The following SLC25A26 variants were observed in gnomAD, a reference collection of about 807,000 sequenced individuals.
The protein encoded by SLC25A26 is mitochondrial S-adenosylmethionine carrier protein.
Under a neutral mutation model 37.8 loss-of-function variants are expected in SLC25A26, and 36 were observed. That is an observed-to-expected ratio of 0.95 (90% CI 0.73 to 1.26). SLC25A26 has a LOEUF of 1.26. Ranked by LOEUF, SLC25A26 falls within the 50% of genes most tolerant of loss-of-function variation. The probability of loss-of-function intolerance (pLI) is 0.00; values close to 1 mark genes in which losing one functional copy is unlikely to be tolerated. For missense variants in SLC25A26, 390 were observed against 331.1 expected, an observed-to-expected ratio of 1.18 and a Z score of -1.38; for synonymous variants, 129 against 122.5, an observed-to-expected ratio of 1.05 and a Z score of -0.35.
chr3:66,221,036 A>G lies in SLC25A26; in HGVS notation c.-59A>G. 1 of 1,526,436 alleles carries G rather than the reference A, an allele frequency of 6.6e-7. No individual in the cohort carries two copies. Among genetic ancestry groups the G allele is most frequent in the East Asian group, 2.5e-5 (1 of 40,614 alleles). 94.6% of individuals were successfully genotyped at this position (1,526,436 alleles called of 1,614,324 possible). ...CAAACATGGCGGCGCCCAGCGCGCGAGGACGTGATCCGCTTCTGCTCCGGC... is the reference window on the plus strand; with the variant it reads ...CAAACATGGCGGCGCCCAGCGCGCGGGGACGTGATCCGCTTCTGCTCCGGC... On this transcript the variant is annotated 5_prime_UTR_variant, in exon 1 of 10. Coordinates refer to ENST00000354883, the MANE Select transcript of SLC25A26 (RefSeq NM_001379210.1).
At chr3:66,287,102 C>T (rs772925699) in intron 5 of SLC25A26, among the ~76,000 whole-genome samples, 2 of 152,268 alleles carry the variant, frequency 1.3e-5, no homozygotes, top group Non-Finnish European at 2.9e-5. Context: ...TGAGACCATC[C>T]TGGCTAACAC....
chr3:66,348,819 G>T (rs181516006), intron 6 of SLC25A26, among the ~76,000 whole-genome samples: 3 of 152,040 alleles, frequency 2.0e-5, no homozygotes, highest in Non-Finnish European at 4.4e-5. Flanking sequence ...TTCCTATGTG[G>T]TGCGTGGTGA....
chr3:66,356,479 C>G (rs370440354), intron 6 of SLC25A26, among the ~76,000 whole-genome samples: 24 of 152,216 alleles, frequency 1.6e-4, no homozygotes, highest in African/African-American at 5.8e-4. Flanking sequence ...AAAAGTCAAG[C>G]TGATGTTTAA....
intron 1 of SLC25A26, among the ~76,000 whole-genome samples, chr3:66,182,775 C>G (rs1416227249): frequency 6.6e-6 from 1 of 151,690 alleles, no homozygotes; most frequent in Non-Finnish European, 1.5e-5. Flanking sequence ...AAGTCGTCCT[C>G]TGCTCCTAAT....
intron 1 of SLC25A26, among the ~76,000 whole-genome samples, chr3:66,228,201 G>A (rs540295894): frequency 2.6e-5 from 4 of 152,208 alleles, no homozygotes; most frequent in Admixed American, 6.5e-5. Context: ...CACCAATCAT[G>A]CAAGGACCAC....
intron 5 of SLC25A26, among the ~76,000 whole-genome samples, chr3:66,338,254 G>T (rs1485611578): frequency 6.6e-6 from 1 of 151,878 alleles, no homozygotes; most frequent in Non-Finnish European, 1.5e-5. Context: ...CTTATTGATG[G>T]ACGTTAGCTG....
intron 1 of SLC25A26, among the ~76,000 whole-genome samples, chr3:66,210,030 G>T (rs1385817601): frequency 6.9e-6 from 1 of 143,962 alleles, no homozygotes; most frequent in Admixed American, 7.2e-5. Flanking sequence ...AGGAGTTTCG[G>T]ATGCCTATTG....
intron 1 of SLC25A26, among the ~76,000 whole-genome samples, chr3:66,169,606 A>T (rs1291931054): frequency 6.6e-6 from 1 of 152,154 alleles, no homozygotes; most frequent in East Asian, 1.9e-4. Flanking sequence ...TTTCAGCTCC[A>T]TGACAAGGGC....
intron 1 of SLC25A26, among the ~76,000 whole-genome samples, chr3:66,135,161 G>A (rs1405627109): frequency 6.6e-6 from 1 of 151,740 alleles, no homozygotes; most frequent in African/African-American, 2.4e-5. Context: ...GGAAAAGCCT[G>A]GTTTTATAAA....
chr3:66,348,732 C>G (rs1364108670), intron 6 of SLC25A26, among the ~76,000 whole-genome samples: 1 of 152,134 alleles, frequency 6.6e-6, no homozygotes, highest in African/African-American at 2.4e-5. Context: ...TATAAGTGAT[C>G]TGATTTTAAG....
intron 1 of SLC25A26, among the ~76,000 whole-genome samples, chr3:66,134,335 T>C (rs114331277): frequency 6.6e-6 from 1 of 152,242 alleles, no homozygotes; most frequent in Non-Finnish European, 1.5e-5. Context: ...AAGGAAATGT[T>C]ATTTGAATTC....
chr3:66,207,976 G>A (rs1178688435), intron 1 of SLC25A26, among the ~76,000 whole-genome samples: 1 of 152,274 alleles, frequency 6.6e-6, no homozygotes, highest in Non-Finnish European at 1.5e-5. Flanking sequence ...TAAACTGTGA[G>A]CACTTATGCA....
intron 1 of SLC25A26, among the ~76,000 whole-genome samples, chr3:66,196,004 G>A (rs2071038851): frequency 6.6e-6 from 1 of 152,210 alleles, no homozygotes; most frequent in South Asian, 2.1e-4. Flanking sequence ...AATTTAGGCA[G>A]ACACACGTGT....
chr3:66,367,251 A>C (rs1340930715), intron 7 of SLC25A26, among the ~76,000 whole-genome samples: 1 of 152,190 alleles, frequency 6.6e-6, no homozygotes, highest in Non-Finnish European at 1.5e-5. Context: ...TCATACTACT[A>C]TCTGCATTTT....
intron 5 of SLC25A26, among the ~76,000 whole-genome samples, chr3:66,283,170 A>C (rs2074402719): frequency 6.6e-6 from 1 of 152,292 alleles, no homozygotes; most frequent in African/African-American, 2.4e-5. Flanking sequence ...GTCATGTATA[A>C]GTTTTTGTGT....
At chr3:66,374,775 G>C (rs1032537131) in intron 9 of SLC25A26, among the ~76,000 whole-genome samples, 1 of 152,074 alleles carries the variant, frequency 6.6e-6, no homozygotes, top group Non-Finnish European at 1.5e-5. Flanking sequence ...CAGCTACTTG[G>C]GAAGCTGAGG....
chr3:66,283,493 G>A (rs1232888003), intron 5 of SLC25A26, among the ~76,000 whole-genome samples: 3 of 152,108 alleles, frequency 2.0e-5, no homozygotes, highest in Non-Finnish European at 4.4e-5. Flanking sequence ...CGTTGCCCAG[G>A]CTGGTCTCAA....
intron 6 of SLC25A26, among the ~76,000 whole-genome samples, chr3:66,360,588 C>G (rs1228281279): frequency 1.3e-5 from 2 of 152,122 alleles, no homozygotes; most frequent in Non-Finnish European, 2.9e-5. Context: ...TGTTGATAAC[C>G]AGTTTCAGTT....
chr3:66,360,976 A>G (rs1206245755), intron 6 of SLC25A26, among the ~76,000 whole-genome samples: 1 of 152,226 alleles, frequency 6.6e-6, no homozygotes, highest in African/African-American at 2.4e-5. Flanking sequence ...TGGAAGACAA[A>G]TACTACCTGG....
Sources: allele counts gnomAD v4.1 joint callset (sites outside exome capture counted in the v4.1 genomes callset), GRCh38; gene constraint gnomAD v4.1.1; transcripts MANE v1.5; gene names NCBI Gene and HGNC (gene_info 2026-07-23, HGNC 2026-07-21).